The following ANK2 variants were observed in gnomAD, a reference collection of about 807,000 sequenced individuals.
ANK2 encodes ankyrin-2.
ANK2 carries 83 observed loss-of-function variants against 360.5 expected under a neutral mutation model. The ratio of observed to expected loss-of-function variants is 0.23; its 90% CI spans 0.19 to 0.28. ANK2 has a LOEUF of 0.28. Among genes scored for constraint, ANK2 ranks in the 10% least tolerant of loss-of-function variants. The pLI, the probability that ANK2 is intolerant of heterozygous loss-of-function variation, is 1.00. For missense variants in ANK2, 4,201 were observed against 4,795.7 expected (o/e 0.88, Z 3.66); for synonymous variants, 1,740 against 1,759.5 (o/e 0.99, Z 0.28).
At chr4:113,106,825 T>C (rs768350406) in intron 1 of ANK2, 3 of 512,758 alleles carry the variant, frequency 5.9e-6, no homozygotes, top group Non-Finnish European at 1.2e-5. Context: ...TGTACTCTTT[T>C]ATTTTATTCC....
chr4:113,266,110 C>T (rs2055859533), intron 14 of ANK2, among the ~76,000 whole-genome samples: 1 of 152,116 alleles, frequency 6.6e-6, no homozygotes, highest in Non-Finnish European at 1.5e-5. Flanking sequence ...CTCCCCTAGC[C>T]CCCTACCCCC....
chr4:112,893,028 A>G (rs905625614), intron 1 of ANK2, among the ~76,000 whole-genome samples: 1 of 152,186 alleles, frequency 6.6e-6, no homozygotes, highest in Non-Finnish European at 1.5e-5. Context: ...ATAGGTTTCT[A>G]AAGTTGCTTT....
chr4:112,941,441 T>C (rs2094198708), intron 2 of ANK2, among the ~76,000 whole-genome samples: 1 of 144,352 alleles, frequency 6.9e-6, no homozygotes, highest in African/African-American at 2.5e-5. Flanking sequence ...TTTGTATATA[T>C]ACATATATCT....
chr4:112,766,148 A>G, the ANK2 span, among the ~76,000 whole-genome samples: 1 of 151,908 alleles, frequency 6.6e-6, no homozygotes, highest in Non-Finnish European at 1.5e-5. Context: ...CCTGGCCAAT[A>G]TGGTGAAACC....
chr4:113,252,395 C>G (rs2046946267), intron 10 of ANK2, among the ~76,000 whole-genome samples: 1 of 152,150 alleles, frequency 6.6e-6, no homozygotes, highest in African/African-American at 2.4e-5. Flanking sequence ...TTAAATCACC[C>G]ATTCTTTCTT....
chr4:113,128,486 G>A (rs1303273122), intron 1 of ANK2, among the ~76,000 whole-genome samples: 1 of 152,102 alleles, frequency 6.6e-6, no homozygotes, highest in Non-Finnish European at 1.5e-5. Flanking sequence ...TGAACTCGTT[G>A]TTATTTATTT....
chr4:113,000,616 G>A (rs1462809548), intron 2 of ANK2, among the ~76,000 whole-genome samples: 2 of 152,100 alleles, frequency 1.3e-5, no homozygotes, highest in African/African-American at 4.8e-5. Flanking sequence ...GACATAGAAT[G>A]ATATGAAAAA....
At chr4:113,286,020 T>C (rs2064394194) in intron 18 of ANK2, among the ~76,000 whole-genome samples, 1 of 152,240 alleles carries the variant, frequency 6.6e-6, no homozygotes, top group Non-Finnish European at 1.5e-5. Flanking sequence ...ATTTTCATAC[T>C]GGTTGTTAGT....
the ANK2 span, among the ~76,000 whole-genome samples, chr4:112,784,196 G>A: frequency 2.0e-5 from 3 of 151,684 alleles, no homozygotes; most frequent in Non-Finnish European, 4.4e-5. Context: ...AACAATGGCA[G>A]TTAATATGCT....
At chr4:112,712,070 A>T in the ANK2 span, among the ~76,000 whole-genome samples, 3 of 148,396 alleles carry the variant, frequency 2.0e-5, no homozygotes, top group African/African-American at 4.9e-5. Flanking sequence ...ATATATATAT[A>T]TTTATTTTTA....
chr4:113,148,583 CTTA>C (rs796784624), intron 1 of ANK2, among the ~76,000 whole-genome samples: 39 of 152,204 alleles, frequency 2.6e-4, no homozygotes, highest in African/African-American at 8.9e-4. Flanking sequence ...GAATTCTGGT[CTTA>C]TTATGAAAAC....
At chr4:113,109,022 T>C (rs2154364401) in intron 1 of ANK2, among the ~76,000 whole-genome samples, 1 of 152,276 alleles carries the variant, frequency 6.6e-6, no homozygotes, top group East Asian at 1.9e-4. Context: ...GTAGTACATA[T>C]TGTTTCTGCC....
chr4:113,051,855 T>C (rs1193630290), intron 1 of ANK2, among the ~76,000 whole-genome samples: 1 of 152,220 alleles, frequency 6.6e-6, no homozygotes, highest in African/African-American at 2.4e-5. Flanking sequence ...TATATATGAT[T>C]ATTTGAACAG....
chr4:113,162,611 T>C (rs1166382959), intron 1 of ANK2, among the ~76,000 whole-genome samples: 2 of 152,056 alleles, frequency 1.3e-5, no homozygotes, highest in East Asian at 3.8e-4. Context: ...TAAATGTAAA[T>C]AGTAAAACAA....
chr4:113,317,847 A>G, intron 25 of ANK2, 38 bp downstream of exon 25: 1 of 1,524,526 alleles, frequency 6.6e-7, no homozygotes, highest in Non-Finnish European at 9.1e-7. Flanking sequence ...TGCTTTCTGG[A>G]GAGCTTTGTA....
intron 34 of ANK2, among the ~76,000 whole-genome samples, chr4:113,343,631 G>A (rs954009602): frequency 2.6e-5 from 4 of 152,108 alleles, no homozygotes; most frequent in Non-Finnish European, 5.9e-5. Flanking sequence ...TCAATAAACA[G>A]CATGGAGACA....
chr4:113,293,599 T>G, intron 22 of ANK2, 61 bp downstream of exon 22: 1 of 1,447,108 alleles, frequency 6.9e-7, no homozygotes, highest in South Asian at 1.2e-5. Flanking sequence ...ACTAAATACA[T>G]GTACAGTACT....
intron 1 of ANK2, among the ~76,000 whole-genome samples, chr4:113,102,745 T>C (rs1257857194): frequency 3.3e-5 from 5 of 152,092 alleles, no homozygotes; most frequent in Non-Finnish European, 7.4e-5. Flanking sequence ...AACGTGGAGG[T>C]CACTAGTAAT....
chr4:113,262,834 T>C (rs556759013), intron 13 of ANK2, among the ~76,000 whole-genome samples: 1 of 151,754 alleles, frequency 6.6e-6, no homozygotes, highest in African/African-American at 2.4e-5. Flanking sequence ...TTGGTATTGG[T>C]GGGGGAAACA....
Sources: allele counts gnomAD v4.1 joint callset (sites outside exome capture counted in the v4.1 genomes callset), GRCh38; gene constraint gnomAD v4.1.1; transcripts MANE v1.5; gene names NCBI Gene and HGNC (gene_info 2026-07-23, HGNC 2026-07-21).